KLHL18: variants seen among roughly 807,000 people sequenced by gnomAD.
KLHL18 encodes the protein kelch like family member 18, also known as kelch-like protein 18.
Under a neutral mutation model 58.5 loss-of-function variants are expected in KLHL18, and 38 were observed. The observed-to-expected ratio is 0.65, with a 90% CI of 0.50 to 0.85. KLHL18 has a LOEUF of 0.85. KLHL18 is among the 40% of genes least tolerant of loss of function. The pLI, the probability that KLHL18 is intolerant of heterozygous loss-of-function variation, is 0.00. For synonymous variants in KLHL18, 303 were observed against 301.9 expected (o/e 1.00, Z -0.04); for missense variants, 624 against 778.4 (o/e 0.80, Z 2.36).
chr3:47,303,105 C>T (rs181142666), intron 1 of KLHL18, among the ~76,000 whole-genome samples: 85 of 152,328 alleles, frequency 5.6e-4, no homozygotes, highest in Admixed American at 1.0e-3. Context: ...AATCCCGTGA[C>T]GTCATGTACA....
chr3:47,334,922 T>C lies in KLHL18; in HGVS notation c.898+103T>C. The C allele has an allele frequency of 8.4e-7, 1 of 1,186,024 alleles. No individual in the cohort carries two copies. Among genetic ancestry groups the C allele is most frequent in the East Asian group, 2.6e-5 (1 of 38,730 alleles). The allele number at this position is 1,186,024 out of a possible 1,614,324, so 73.5% of individuals were successfully genotyped here. ...CTTCTGGTTTCTCTGTTTTGTACTG[T>C]CACCACCCTTGCCCCTCTTGATTTT... is the stretch of plus-strand genomic sequence containing the variant. On this transcript the variant is annotated intron_variant, in intron 6 of 9. Transcript: ENST00000232766. This position sits in a 1 kb window ranked among gnomAD's most constrained non-coding sequence, Gnocchi z 4.7.
intron 7 of KLHL18, chr3:47,338,522 A>G (rs1704035736): frequency 6.6e-6 from 1 of 152,190 alleles, no homozygotes; most frequent in Non-Finnish European, 1.5e-5. Context: ...TACTATGTAC[A>G]TTTAAAAGGT....
At chr3:47,319,416 T>C (rs552839135) in intron 1 of KLHL18, among the ~76,000 whole-genome samples, 1 of 152,336 alleles carries the variant, frequency 6.6e-6, no homozygotes, top group Admixed American at 6.5e-5. Context: ...GTTTTAACGC[T>C]TCATTAAAAT....
intron 1 of KLHL18, among the ~76,000 whole-genome samples, chr3:47,311,062 T>A (rs9311406): frequency 0.016 from 2,363 of 151,934 alleles, 68 homozygotes; most frequent in African/African-American, 0.053. Context: ...CAGGCTGGAA[T>A]GCAGTGGCGC....
intron 1 of KLHL18, among the ~76,000 whole-genome samples, chr3:47,298,353 T>TAAAAAAAA (rs36006254): frequency 8.4e-6 from 1 of 118,558 alleles, no homozygotes; most frequent in Non-Finnish European, 1.7e-5. Flanking sequence ...ATCCTGTCTC[T>TAAAAAAAA]AAAAAAAAAA....
At chr3:47,332,788 G>T (rs553700002) in intron 4 of KLHL18, among the ~76,000 whole-genome samples, 1 of 152,076 alleles carries the variant, frequency 6.6e-6, no homozygotes, top group East Asian at 1.9e-4. Context: ...TTTAGATGAG[G>T]GGGGACAGTG....
intron 1 of KLHL18, among the ~76,000 whole-genome samples, chr3:47,299,544 G>T (rs116064271): frequency 6.6e-6 from 1 of 151,340 alleles, no homozygotes; most frequent in African/African-American, 2.4e-5. Flanking sequence ...TGCAAAATAG[G>T]CTGGGCGCAG....
chr3:47,333,459 T>A, intron 5 of KLHL18, 142 bp downstream of exon 5: 1 of 801,228 alleles, frequency 1.2e-6, no homozygotes, highest in Non-Finnish European at 1.9e-6. Context: ...GCCCTCTGTC[T>A]AGAAGCTGGA....
intron 1 of KLHL18, among the ~76,000 whole-genome samples, chr3:47,298,354 A>AG: frequency 8.7e-4 from 1 of 1,156 alleles, no homozygotes; most frequent in South Asian, 0.12. Context: ...TCCTGTCTCT[A>AG]AAAAAAAAAA....
At position 47,312,407 on chromosome 3, in the gene KLHL18, G is replaced by A. The variant is rs562762021; in HGVS notation, c.130-7246G>A. 2.6e-5 allele frequency among the ~76,000 whole-genome samples: 4 copies of A among 152,264 alleles called. No homozygotes were observed. The South Asian group carries it at 6.2e-4, about 24-fold the overall frequency. On this transcript the variant is annotated intron_variant, in intron 1 of 9. Transcript: ENST00000232766. ...TAGAGGTGGGTATGTAGCAAAATGT[G>A]ACTAAAGGTAGAGATGTATGCTAAA...
At chr3:47,290,421 T>G (rs1702767165) in intron 1 of KLHL18, among the ~76,000 whole-genome samples, 1 of 152,340 alleles carries the variant, frequency 6.6e-6, no homozygotes. Flanking sequence ...ACATTTTTCA[T>G]GTAGTTAGGT....
rs1326824745 is a variant in KLHL18, at chr3:47,344,316, C to T, written c.*375C>T. ...CCCCATCGCCTGCTTGCTCTCCAGC[C>T]GAGTCTGGCCAATTTGCCATGGGGA... On this transcript the variant is annotated 3_prime_UTR_variant, in exon 10 of 10. Transcript: ENST00000232766. 2 of 281,412 alleles carry T rather than the reference C, an allele frequency of 7.1e-6. No individual in the cohort carries two copies. Among genetic ancestry groups the T allele is most frequent in the South Asian group, 4.1e-5 (1 of 24,394 alleles). 17.4% of individuals were successfully genotyped at this position (281,412 alleles called of 1,614,324 possible).
rs1434239213 is a variant in KLHL18 at position 47,333,222 on chromosome 3, G to A, written c.666G>A (p.Glu222=). The change falls in exon 5 of 10, where the codon GAG becomes GAA. Residue 222 remains glutamate (E), a synonymous_variant. Coordinates refer to ENST00000232766, the MANE Select transcript of KLHL18 (RefSeq NM_025010.5). Reference sequence around the variant, plus strand: ...AGCAGAGGGGTCCCTACCTGCCTGAGCTGCTGTCCAATATCCGCCTGCCCC... The same window carrying A: ...AGCAGAGGGGTCCCTACCTGCCTGAACTGCTGTCCAATATCCGCCTGCCCC... ...DREQRGPYLP[E]LLSNIRLPLC... 15 of 1,614,070 alleles carry A rather than the reference G, an allele frequency of 9.3e-6. No homozygotes were observed. Among genetic ancestry groups the A allele is most frequent in the Non-Finnish European group, 1.2e-5 (14 of 1,180,040 alleles).
At chr3:47,309,518 G>A (rs1703240108) in intron 1 of KLHL18, among the ~76,000 whole-genome samples, 1 of 151,232 alleles carries the variant, frequency 6.6e-6, no homozygotes, top group South Asian at 2.1e-4. Context: ...TTCCCAGACT[G>A]GGCAGCCGGG....
chr3:47,315,072 AC>A (rs937102298), intron 1 of KLHL18, among the ~76,000 whole-genome samples: 9 of 152,078 alleles, frequency 5.9e-5, no homozygotes, highest in African/African-American at 1.9e-4. Context: ...CCCCTCCATA[AC>A]CCCATTAAAA....
At chr3:47,333,729 C>T (rs1703921041) in intron 5 of KLHL18, among the ~76,000 whole-genome samples, 1 of 152,218 alleles carries the variant, frequency 6.6e-6, no homozygotes, top group African/African-American at 2.4e-5. Flanking sequence ...GTGCTGTGGG[C>T]ATGGAGGGCC....
In KLHL18 at chr3:47,300,317, ATATATG is replaced by A. The variant is rs1475895358; in HGVS notation, c.129+17235_129+17240del. 8.2e-5 allele frequency among the ~76,000 whole-genome samples: 11 copies of A among 134,184 alleles called. 1 individual carries two copies. In the South Asian group the frequency reaches 2.6e-3, roughly 32 times the overall value. The allele number at this position is 134,184 out of a possible 152,430, so 88.0% of individuals were successfully genotyped here. ...TATATATATATATATATATGTGTGT[ATATATG>A]TATATGTATATACGTGTGTATGTGT... On this transcript the variant is annotated intron_variant, in intron 1 of 9. Coordinates refer to ENST00000232766, the MANE Select transcript of KLHL18 (RefSeq NM_025010.5).
At chr3:47,292,856 A>G (rs902648810) in intron 1 of KLHL18, among the ~76,000 whole-genome samples, 1 of 151,136 alleles carries the variant, frequency 6.6e-6, no homozygotes, top group Non-Finnish European at 1.5e-5. Context: ...GCAGTGAGCC[A>G]TGATTATACC....
intron 1 of KLHL18, among the ~76,000 whole-genome samples, chr3:47,283,871 G>A (rs1702566922): frequency 6.6e-6 from 1 of 152,220 alleles, no homozygotes; most frequent in South Asian, 2.1e-4. Flanking sequence ...ACGTCCGGTT[G>A]GGGAGATGAT....
Sources: allele counts gnomAD v4.1 joint callset (sites outside exome capture counted in the v4.1 genomes callset), GRCh38; gene constraint gnomAD v4.1.1; non-coding constraint Gnocchi (gnomAD v3.1); transcripts MANE v1.5; gene names NCBI Gene and HGNC (gene_info 2026-07-23, HGNC 2026-07-21).